Variants in CDH22 observed in about 807,000 individuals in gnomAD.
The protein encoded by CDH22 is cadherin 22, also known as cadherin-22.
In CDH22, 30 loss-of-function variants were observed where a neutral mutation model predicts 58.4. That is an observed-to-expected ratio of 0.51 (90% confidence interval 0.38 to 0.70). CDH22 has a LOEUF of 0.70. Among genes scored for constraint, CDH22 ranks in the 30% least tolerant of loss-of-function variants. The pLI, the probability that CDH22 is intolerant of heterozygous loss-of-function variation, is 0.00. For missense variants in CDH22, 1,014 were observed against 1,233.9 expected (o/e 0.82, Z 2.67); for synonymous variants, 513 against 558.2 (o/e 0.92, Z 1.14).
In CDH22 at chr20:46,288,273, GTC is replaced by G. The variant is rs1225649147; in HGVS notation, c.-400+19980_-400+19981del. Among the ~76,000 whole-genome samples the G allele has an allele frequency of 2.6e-5, 4 of 152,066 alleles. No individual in the cohort carries two copies. In the East Asian group the frequency reaches 7.7e-4, roughly 29 times the overall value. Reference sequence around the variant, plus strand: ...ATCCCTCCCTGGTACCCCAGATTTGGTCTCTCTCCCCTATGTGTCCACACCTC... The same window carrying G: ...ATCCCTCCCTGGTACCCCAGATTTGGTCTCTCCCCTATGTGTCCACACCTC... On this transcript the variant is annotated intron_variant, in intron 1 of 11. Coordinates refer to ENST00000537909, the MANE Select transcript of CDH22 (RefSeq NM_021248.3).
intron 1 of CDH22, among the ~76,000 whole-genome samples, chr20:46,283,684 C>G (rs1368505961): frequency 1.3e-5 from 2 of 152,110 alleles, no homozygotes; most frequent in African/African-American, 4.8e-5. Flanking sequence ...CCACCCACCC[C>G]TGATTCTGAG....
At chr20:46,228,146 C>T (rs1430746633) in intron 3 of CDH22, among the ~76,000 whole-genome samples, 1 of 152,232 alleles carries the variant, frequency 6.6e-6, no homozygotes, top group African/African-American at 2.4e-5. Flanking sequence ...CAAGGGACTT[C>T]TGCCTCCTCT....
intron 1 of CDH22, among the ~76,000 whole-genome samples, chr20:46,272,255 G>A (rs1478846241): frequency 3.9e-5 from 6 of 152,176 alleles, no homozygotes; most frequent in South Asian, 2.1e-4. Context: ...TACTTACTAC[G>A]ATGGAGCAAA....
At chr20:46,209,470 G>A (rs34721054) in intron 7 of CDH22, among the ~76,000 whole-genome samples, 2 of 152,110 alleles carry the variant, frequency 1.3e-5, no homozygotes, top group Non-Finnish European at 2.9e-5. Context: ...TGGAGGGCTT[G>A]GGCAGAGCAG....
At chr20:46,307,519 C>T (rs903470200) in intron 1 of CDH22, among the ~76,000 whole-genome samples, 3 of 152,210 alleles carry the variant, frequency 2.0e-5, no homozygotes, top group Middle Eastern at 3.2e-3. Context: ...GACGGTGTCT[C>T]CGGAGTCGGG....
At chr20:46,207,336 G>A (rs928176174) in intron 7 of CDH22, among the ~76,000 whole-genome samples, 2 of 152,164 alleles carry the variant, frequency 1.3e-5, no homozygotes, top group Non-Finnish European at 2.9e-5. Flanking sequence ...GAGAGGAGGG[G>A]AGCTGGCAGA....
rs543454351 is a variant in CDH22, at chr20:46,192,467, G to A, written c.1424-5520C>T. 2.0e-5 allele frequency among the ~76,000 whole-genome samples: 3 copies of A among 152,180 alleles called. No homozygotes were observed. The South Asian group carries it at 6.2e-4, about 32-fold the overall frequency. On this transcript the variant is annotated intron_variant, in intron 8 of 11. Transcript: ENST00000537909. ...AGGTTTTCTCATCAGTAAAACAAAT[G>A]GAGTTGGATTCTGTGGCTCTCCTTG...
intron 1 of CDH22, among the ~76,000 whole-genome samples, chr20:46,279,396 A>G (rs12479669): frequency 0.26 from 39,019 of 151,922 alleles, 5,190 homozygotes; most frequent in South Asian, 0.39. Context: ...GTCCATCGCT[A>G]AGGGAGTGGA....
intron 4 of CDH22, among the ~76,000 whole-genome samples, chr20:46,225,968 CA>C (rs1272543010): frequency 6.6e-6 from 1 of 152,030 alleles, no homozygotes; most frequent in African/African-American, 2.4e-5. Flanking sequence ...AACAAAAACC[CA>C]AAACCCAAAT....
chr20:46,210,187 A>C lies in CDH22; in HGVS notation c.1286+120T>G. On this transcript the variant is annotated intron_variant, in intron 7 of 11. Coordinates refer to ENST00000537909, the MANE Select transcript of CDH22 (RefSeq NM_021248.3). This position sits in a 1 kb window ranked among gnomAD's most constrained non-coding sequence, Gnocchi z 4.5. ...GCCTCTCTCCGCGCCTCCCTCCCCCACGCAGCCCCTTCCTTCGGCCCTGCC... is the reference window on the plus strand; with the variant it reads ...GCCTCTCTCCGCGCCTCCCTCCCCCCCGCAGCCCCTTCCTTCGGCCCTGCC... The C allele has an allele frequency of 9.3e-7, 1 of 1,071,608 alleles. No individual in the cohort carries two copies. The highest frequency in any genetic ancestry group is 2.3e-5 in the South Asian group (1 of 42,584). 66.4% of individuals were successfully genotyped at this position (1,071,608 alleles called of 1,614,324 possible). A position where few individuals can be genotyped will look rare whatever the true frequency, so the allele number is the denominator to read the frequency against.
At position 46,251,506 on chromosome 20, in the gene CDH22, G is replaced by A; in HGVS notation, c.-212C>T. On this transcript the variant is annotated 5_prime_UTR_variant, in exon 2 of 12. Transcript: ENST00000537909. The surrounding 1 kb of genome is among the most constrained non-coding windows in gnomAD (Gnocchi z 6.7). ...GGCTGGAGGGGGAGGGGGCGCGGCCGCATCCGGGGCATGGACAGCCCCCGG... is the reference window on the plus strand; with the variant it reads ...GGCTGGAGGGGGAGGGGGCGCGGCCACATCCGGGGCATGGACAGCCCCCGG... 2.4e-6 allele frequency: 1 copy of A among 415,194 alleles called. No individual in the cohort carries two copies. 25.7% of individuals were successfully genotyped at this position (415,194 alleles called of 1,614,324 possible). A position where few individuals can be genotyped will look rare whatever the true frequency, so the allele number is the denominator to read the frequency against.
intron 3 of CDH22, among the ~76,000 whole-genome samples, chr20:46,236,492 A>C (rs2086252359): frequency 7.0e-6 from 1 of 143,312 alleles, no homozygotes; most frequent in Non-Finnish European, 1.5e-5. Context: ...TATCTATATA[A>C]ATATATAGAT....
At chr20:46,186,537 G>A (rs776634744) in intron 10 of CDH22, 51 bp downstream of exon 10, 2 of 1,293,222 alleles carry the variant, frequency 1.5e-6, no homozygotes, top group South Asian at 1.2e-5. Context: ...TGGGAACAGG[G>A]CAGGGAGACT....
intron 8 of CDH22, among the ~76,000 whole-genome samples, chr20:46,190,761 C>G (rs930997650): frequency 6.6e-6 from 1 of 152,136 alleles, no homozygotes; most frequent in Non-Finnish European, 1.5e-5. Flanking sequence ...GTGCTTTGGC[C>G]CGGTGCTTCC....
At chr20:46,225,172 T>C (rs1034787281) in intron 4 of CDH22, among the ~76,000 whole-genome samples, 18 of 152,202 alleles carry the variant, frequency 1.2e-4, no homozygotes, top group African/African-American at 3.9e-4. Context: ...TCTATCGAGA[T>C]TCCGAATGCA....
In CDH22 at chr20:46,210,167, T is replaced by TCTCCGCGCCTCC. The variant is rs2086030096; in HGVS notation, c.1286+128_1286+139dup. 2.3e-6 allele frequency: 2 copies of TCTCCGCGCCTCC among 878,270 alleles called. No individual in the cohort carries two copies. Among genetic ancestry groups the TCTCCGCGCCTCC allele is most frequent in the Non-Finnish European group, 3.1e-6 (2 of 636,770 alleles). 54.4% of individuals were successfully genotyped at this position (878,270 alleles called of 1,614,324 possible). On this transcript the variant is annotated intron_variant, in intron 7 of 11. Transcript: ENST00000537909. The surrounding 1 kb of genome is among the most constrained non-coding windows in gnomAD (Gnocchi z 4.5). ...CTGTTTCTCTCCACCCGTGCGCCTCTCTCCGCGCCTCCCTCCCCCACGCAG... is the reference window on the plus strand; with the variant it reads ...CTGTTTCTCTCCACCCGTGCGCCTCTCTCCGCGCCTCCCTCCGCGCCTCCCTCCCCCACGCAG...
chr20:46,271,228 A>G (rs2086487114), intron 1 of CDH22, among the ~76,000 whole-genome samples: 1 of 152,194 alleles, frequency 6.6e-6, no homozygotes, highest in Non-Finnish European at 1.5e-5. Flanking sequence ...CCCATTTTAT[A>G]GATGAGGAAA....
chr20:46,187,009 C>T (rs2085831431), intron 8 of CDH22, 62 bp from the exon 9 acceptor site: 4 of 1,505,848 alleles, frequency 2.7e-6, no homozygotes, highest in Middle Eastern at 1.8e-4. Flanking sequence ...ATAGCCTCCT[C>T]TCTACTATGA....
rs181166992 is a variant in CDH22 at position 46,285,691 on chromosome 20, G to A, written c.-400+22564C>T. ...AGGTCTCCTGACTGTTTCTACCACT[G>A]AGATTAAATGATGGAAAGGGAATTG... is the stretch of plus-strand genomic sequence containing the variant. On this transcript the variant is annotated intron_variant, in intron 1 of 11. Transcript: ENST00000537909. Among the ~76,000 whole-genome samples the A allele has an allele frequency of 3.3e-4, 50 of 152,340 alleles. No individual in the cohort carries two copies. The East Asian group carries it at 7.5e-3, about 23-fold the overall frequency.
Sources: gnomAD v4.1 joint callset for allele counts (sites outside exome capture counted in the v4.1 genomes callset) on GRCh38, gnomAD v4.1.1 for gene constraint, Gnocchi (gnomAD v3.1) non-coding constraint, MANE v1.5 for transcripts, NCBI Gene and HGNC (gene_info 2026-07-23, HGNC 2026-07-21) for gene names.